Variants in DLC1 observed in about 807,000 individuals in gnomAD.
DLC1 encodes rho GTPase-activating protein 7.
A neutral mutation model predicts 140.3 loss-of-function variants in DLC1; 54 were observed. That is an observed-to-expected ratio of 0.38 (90% CI 0.31 to 0.48). DLC1 has a LOEUF of 0.48. Ranked by LOEUF, DLC1 falls within the 20% of genes least tolerant of loss-of-function variation. The pLI is 0.96. For synonymous variants in DLC1, 986 were observed against 728.1 expected (o/e 1.35, Z -5.70); for missense variants, 2,536 against 1,907.0 (o/e 1.33, Z -6.14).
At chr8:13,390,957 C>G (rs1836727851) in intron 4 of DLC1, among the ~76,000 whole-genome samples, 1 of 144,916 alleles carries the variant, frequency 6.9e-6, no homozygotes, top group African/African-American at 2.6e-5. Flanking sequence ...TGCACTCCAG[C>G]CTGGGCGACA....
chr8:13,086,223 A>C (rs1022098797), intron 17 of DLC1, 67 bp downstream of exon 17: 1 of 1,556,698 alleles, frequency 6.4e-7, no homozygotes, highest in African/African-American at 1.4e-5. Flanking sequence ...CATTCTTTGC[A>C]TTAGACAAAA....
Position 13,499,913 on chromosome 8 carries a change from G to C in DLC1, c.159C>G (p.Asp53Glu), listed in dbSNP as rs776650796. The C allele has an allele frequency of 5.0e-6, 8 of 1,613,902 alleles. No homozygotes were observed. The highest frequency in any genetic ancestry group is 6.8e-6 in the Non-Finnish European group (8 of 1,179,982). The change falls in exon 2 of 18, where the codon GAC (aspartate) becomes GAG (glutamate). Residue 53 changes from aspartate (D) to glutamate (E), a missense_variant. Coordinates refer to ENST00000276297, the MANE Select transcript of DLC1 (RefSeq NM_182643.3). ...GTAGTGAAACACACTTCTCTTTGCG[G>C]TCCACATTTAGAGTTGCATCTTTTT... The part of the protein sequence containing the change: ...SMEKDATLNV[D>E]RKEKCVSLPD...
intron 4 of DLC1, among the ~76,000 whole-genome samples, chr8:13,376,429 G>C (rs1344609561): frequency 6.6e-6 from 1 of 152,126 alleles, no homozygotes; most frequent in Non-Finnish European, 1.5e-5. Context: ...AAACATGGTT[G>C]ACTCCCGGAA....
intron 5 of DLC1, among the ~76,000 whole-genome samples, chr8:13,176,456 G>A (rs1825764760): frequency 6.6e-6 from 1 of 152,138 alleles, no homozygotes; most frequent in South Asian, 2.1e-4. Flanking sequence ...GCAGGTGCCT[G>A]TAGTCCCAGC....
chr8:13,517,167 A>T (rs1023195531), upstream of DLC1, among the ~76,000 whole-genome samples: 7 of 152,170 alleles, frequency 4.6e-5, no homozygotes, highest in African/African-American at 1.7e-4. Flanking sequence ...TGTCTTTCCT[A>T]ATATAACTTG....
chr8:13,102,863 A>G lies in DLC1; in HGVS notation c.1503-10T>C. 2 of 1,612,908 alleles carry G rather than the reference A, an allele frequency of 1.2e-6. No individual in the cohort carries two copies. Among genetic ancestry groups the G allele is most frequent in the Middle Eastern group, 1.7e-4 (1 of 6,012 alleles). ...TAAAGTATTTAGACGCCTATAGAGCAAAGAAATAACGTTAGCAAAGATAGG... is the reference window on the plus strand; with the variant it reads ...TAAAGTATTTAGACGCCTATAGAGCGAAGAAATAACGTTAGCAAAGATAGG... On this transcript the variant is annotated splice_polypyrimidine_tract_variant and intron_variant, in intron 7 of 17. Coordinates refer to ENST00000276297, the MANE Select transcript of DLC1 (RefSeq NM_182643.3).
intron 4 of DLC1, among the ~76,000 whole-genome samples, chr8:13,334,834 G>T (rs73218507): frequency 0.054 from 8,198 of 152,266 alleles, 281 homozygotes; most frequent in South Asian, 0.13. Context: ...CATAATCATA[G>T]CTATTATTTA....
Position 13,500,077 on chromosome 8 carries a change from C to T in DLC1, c.-6G>A, listed in dbSNP as rs748061989. 6.8e-6 allele frequency: 11 copies of T among 1,609,132 alleles called. No individual in the cohort carries two copies. The highest frequency in any genetic ancestry group is 9.4e-6 in the Non-Finnish European group (11 of 1,176,362). ...TTTCTGATAGCTACAGACATGTCAT[C>T]GTAGTTTAACAACAGACAGAGAGAT... On this transcript the variant is annotated 5_prime_UTR_variant, in exon 2 of 18. Transcript: ENST00000276297.
intron 2 of DLC1, among the ~76,000 whole-genome samples, chr8:13,463,669 G>T (rs1799784902): frequency 6.6e-6 from 1 of 152,198 alleles, no homozygotes; most frequent in Non-Finnish European, 1.5e-5. Flanking sequence ...CATGGGGAAA[G>T]GACGTTGTTC....
Position 13,200,162 on chromosome 8 carries a change from C to T in DLC1, c.1349-84505G>A, listed in dbSNP as rs145999159. Among the ~76,000 whole-genome samples the T allele has an allele frequency of 9.1e-4, 139 of 152,208 alleles. 1 individual carries two copies. Among genetic ancestry groups the T allele is most frequent in the East Asian group, 7.0e-3 (36 of 5,170 alleles). ...GGTTCAAGCGATTCTCCTGCCTCTG[C>T]CTCCTGAGTAGCTGGAATTACAGGT... On this transcript the variant is annotated intron_variant, in intron 5 of 17. Transcript: ENST00000276297.
chr8:13,116,867 T>C (rs1286210596), intron 5 of DLC1, among the ~76,000 whole-genome samples: 7 of 152,192 alleles, frequency 4.6e-5, no homozygotes, highest in Non-Finnish European at 5.9e-5. Context: ...ATAAATAGCA[T>C]GGCAAAGTTA....
At chr8:13,276,997 T>C (rs1012477410) in intron 5 of DLC1, 3 of 152,404 alleles carry the variant, frequency 2.0e-5, no homozygotes, top group African/African-American at 7.2e-5. Flanking sequence ...GAAGGAGCAC[T>C]TTACAGATCA....
intron 16 of DLC1, 32 bp downstream of exon 16, chr8:13,088,454 CT>C: frequency 6.2e-7 from 1 of 1,609,944 alleles, no homozygotes. Context: ...TGGAGTCATC[CT>C]TGTCACAAAA....
chr8:13,579,315 TTATATATATATATA>T (rs369773134), intron 1 of DLC1, among the ~76,000 whole-genome samples: 3 of 10,668 alleles, frequency 2.8e-4, no homozygotes, highest in South Asian at 5.1e-3. Context: ...AGGTCTGACT[TTATATATATATATA>T]TATATATATA....
chr8:13,496,505 AT>A (rs1563397511), intron 2 of DLC1, among the ~76,000 whole-genome samples: 1 of 151,888 alleles, frequency 6.6e-6, no homozygotes, highest in African/African-American at 2.4e-5. Context: ...TTTTGTGCCT[AT>A]TTAGCCAGGA....
At chr8:13,312,386 A>AAAAAAATAATAATAAT (rs71207139) in intron 4 of DLC1, among the ~76,000 whole-genome samples, 11 of 81,680 alleles carry the variant, frequency 1.3e-4, no homozygotes, top group African/African-American at 4.5e-4. Flanking sequence ...AAAAAAAAAA[A>AAAAAAATAATAATAAT]AATAATTTCT....
rs111558493 is a variant in DLC1 at position 13,215,496 on chromosome 8, G to A, written c.1348+89773C>T. On this transcript the variant is annotated intron_variant, in intron 5 of 17. Coordinates refer to ENST00000276297, the MANE Select transcript of DLC1 (RefSeq NM_182643.3). ...AGCTACTTGGGAGGCTGAGGCAGCA[G>A]GATCACTTGAGCCCAGAAGGCAGAA... Among the ~76,000 whole-genome samples the A allele has an allele frequency of 1.9e-3, 294 of 152,236 alleles. 1 individual carries two copies. The highest frequency in any genetic ancestry group is 6.7e-3 in the African/African-American group (278 of 41,550).
chr8:13,118,021 T>C (rs937246366), intron 5 of DLC1, among the ~76,000 whole-genome samples: 108 of 85,850 alleles, frequency 1.3e-3, no homozygotes, highest in Admixed American at 3.3e-3. Context: ...TTTTTTTTTT[T>C]TTTTTTGAGA....
intron 5 of DLC1, among the ~76,000 whole-genome samples, chr8:13,152,161 G>C (rs2128978008): frequency 6.6e-6 from 1 of 152,306 alleles, no homozygotes; most frequent in African/African-American, 2.4e-5. Context: ...GCACAGGTTG[G>C]TTCTTTAGAC....
Sources: gnomAD v4.1 joint callset for allele counts (sites outside exome capture counted in the v4.1 genomes callset) on GRCh38, gnomAD v4.1.1 for gene constraint, MANE v1.5 for transcripts, NCBI Gene and HGNC (gene_info 2026-07-23, HGNC 2026-07-21) for gene names.